The following MIB1 variants were observed in gnomAD, a reference collection of about 807,000 sequenced individuals.
The protein encoded by MIB1 is E3 ubiquitin-protein ligase MIB1.
A neutral mutation model predicts 124.5 loss-of-function variants in MIB1; 278 were observed. The observed-to-expected ratio is 2.23, with a 90% CI of 2.02 to 2.47. The LOEUF (loss-of-function observed/expected upper bound fraction) is 2.47, where lower values mean the gene tolerates loss of function less well. MIB1 is among the 30% of genes most tolerant of loss of function. The pLI is 0.00. For synonymous variants in MIB1, 446 were observed against 429.4 expected (o/e 1.04, Z -0.48); for missense variants, 957 against 1,254.4 (o/e 0.76, Z 3.58).
Position 21,856,271 on chromosome 18 carries a change from CA to C in MIB1, c.2666-849del, listed in dbSNP as rs1361074998. On this transcript the variant is annotated intron_variant, in intron 18 of 20. Coordinates refer to ENST00000261537, the MANE Select transcript of MIB1 (RefSeq NM_020774.4). ...ACAAAAAACAAAAAACAAAACAAAA[CA>C]AAAAAAAAACAATCATAACAACATA... Among the ~76,000 whole-genome samples, 77 of 125,938 alleles carry C rather than the reference CA, an allele frequency of 6.1e-4. 1 individual carries two copies. The highest frequency in any genetic ancestry group is 1.5e-3 in the Admixed American group (18 of 12,402). 82.6% of individuals were successfully genotyped at this position (125,938 alleles called of 152,430 possible).
chr18:21,869,812 T>C lies in MIB1; in HGVS notation c.*5146T>C, dbSNP rs1455832375. 1 of 152,200 alleles carries C rather than the reference T, an allele frequency of 6.6e-6. No homozygotes were observed. 9.4% of individuals were successfully genotyped at this position (152,200 alleles called of 1,614,324 possible). On this transcript the variant is annotated 3_prime_UTR_variant, in exon 21 of 21. Coordinates refer to ENST00000261537, the MANE Select transcript of MIB1 (RefSeq NM_020774.4). ...AATGAGGGGAAAAAAAAAAGACCCT[T>C]TGTTCAAATGGATTCTGTTGTAAAA...
At chr18:21,859,771 C>T (rs979216868) in intron 20 of MIB1, among the ~76,000 whole-genome samples, 1 of 150,566 alleles carries the variant, frequency 6.6e-6, no homozygotes, top group East Asian at 2.0e-4. Flanking sequence ...CACCTGTAGT[C>T]GCAGCTACTC....
At chr18:21,785,756 T>C (rs933234986) in intron 6 of MIB1, among the ~76,000 whole-genome samples, 1 of 152,212 alleles carries the variant, frequency 6.6e-6, no homozygotes, top group African/African-American at 2.4e-5. Context: ...TCCTTTTCTT[T>C]TAGATTGATG....
Position 21,864,674 on chromosome 18 carries a change from A to G in MIB1, c.*8A>G, listed in dbSNP as rs778041164. The stretch of plus-strand genomic sequence containing the variant: ...AGGATTCTTTTGTATTAACTAAGAC[A>G]CATGGTGTATTTTGTTAGCTAATGT... On this transcript the variant is annotated 3_prime_UTR_variant, in exon 21 of 21. Transcript: ENST00000261537. 1.6e-5 allele frequency: 26 copies of G among 1,607,664 alleles called. No individual in the cohort carries two copies. Among genetic ancestry groups the G allele is most frequent in the Non-Finnish European group, 2.0e-5 (24 of 1,175,314 alleles).
At chr18:21,727,512 G>A (rs767613906) in intron 1 of MIB1, among the ~76,000 whole-genome samples, 10 of 152,200 alleles carry the variant, frequency 6.6e-5, no homozygotes, top group Non-Finnish European at 1.2e-4. Context: ...GGAGGCCAAG[G>A]TGGGAGGATT....
chr18:21,741,797 G>A lies in MIB1; in HGVS notation c.214G>A (p.Asp72Asn). The A allele has an allele frequency of 1.9e-6, 3 of 1,602,956 alleles. No individual in the cohort carries two copies. The highest frequency in any genetic ancestry group is 2.6e-6 in the Non-Finnish European group (3 of 1,175,688). The change falls in exon 1 of 21, where the codon GAC (aspartate) becomes AAC (asparagine). Residue 72 changes from aspartate (D) to asparagine (N), a missense_variant. By Grantham distance (23) the Asp-to-Asn change is conservative. Transcript: ENST00000261537. The surrounding 1 kb of genome is among the most constrained non-coding windows in gnomAD (Gnocchi z 5.4). Reference protein sequence around the residue: ...CSGAYDLRILDSAPTGIKHDG... With the variant: ...CSGAYDLRILNSAPTGIKHDG... ...CGGGGCTTACGACCTCCGCATCCTG[G>A]ACAGCGCGCCCACCGGTAAGCCGCG...
intron 1 of MIB1, among the ~76,000 whole-genome samples, chr18:21,710,093 T>C (rs2040658978): frequency 6.6e-6 from 1 of 152,228 alleles, no homozygotes; most frequent in Non-Finnish European, 1.5e-5. Flanking sequence ...AATATGCTTA[T>C]GTTTTTAATT....
intron 12 of MIB1, among the ~76,000 whole-genome samples, chr18:21,833,810 T>G (rs1211772361): frequency 6.6e-6 from 1 of 152,236 alleles, no homozygotes. Context: ...GCACTGCTAT[T>G]AGTTGTTCTG....
chr18:21,841,489 T>G (rs1238917064), intron 13 of MIB1, among the ~76,000 whole-genome samples: 1 of 152,198 alleles, frequency 6.6e-6, no homozygotes, highest in Non-Finnish European at 1.5e-5. Context: ...GCATTATTAG[T>G]GATTAACAAA....
intron 17 of MIB1, among the ~76,000 whole-genome samples, chr18:21,851,546 G>A (rs1427101341): frequency 6.6e-6 from 1 of 152,150 alleles, no homozygotes; most frequent in African/African-American, 2.4e-5. Context: ...AAAGGATAAT[G>A]AATGTCTTCA....
intron 5 of MIB1, 133 bp from the exon 6 acceptor site, chr18:21,779,348 G>C: frequency 1.5e-6 from 1 of 685,776 alleles, no homozygotes; most frequent in Middle Eastern, 2.7e-4. Context: ...TATACTTATA[G>C]GGAATTCTCA....
At chr18:21,758,213 C>G (rs935832471) in intron 1 of MIB1, among the ~76,000 whole-genome samples, 2 of 152,112 alleles carry the variant, frequency 1.3e-5, no homozygotes, top group African/African-American at 4.8e-5. Context: ...AACAACAATC[C>G]TATTTTCATT....
upstream of MIB1, among the ~76,000 whole-genome samples, chr18:21,736,053 G>A (rs1410349366): frequency 8.5e-5 from 13 of 152,330 alleles, no homozygotes; most frequent in South Asian, 2.7e-3. Flanking sequence ...TCCTCAAGTG[G>A]GTCCTTGACC....
intron 7 of MIB1, among the ~76,000 whole-genome samples, chr18:21,797,130 T>G (rs1018050974): frequency 3.3e-5 from 5 of 152,144 alleles, no homozygotes; most frequent in African/African-American, 1.2e-4. Flanking sequence ...TTGGGTGAGT[T>G]GATAATAAAT....
At chr18:21,724,187 T>G (rs1445504956) in intron 1 of MIB1, 1 of 152,708 alleles carries the variant, frequency 6.5e-6, no homozygotes, top group South Asian at 2.1e-4. Context: ...ACAGATTTCT[T>G]TGTTTCTTCT....
At chr18:21,738,869 C>CAAAAAAAAAAAAAAAAAAAAAAAA (rs2040809847), upstream of MIB1, among the ~76,000 whole-genome samples, 2 of 64,744 alleles carry the variant, frequency 3.1e-5, no homozygotes, top group Non-Finnish European at 6.6e-5. Context: ...AAAAAAAAAC[C>CAAAAAAAAAAAAAAAAAAAAAAAA]AACAAAACTA....
Position 21,741,304 on chromosome 18 carries a change from A to C in MIB1, c.-280A>C. 1 of 162,732 alleles carries C rather than the reference A, an allele frequency of 6.1e-6. No individual in the cohort carries two copies. The highest frequency in any genetic ancestry group is 1.3e-5 in the Non-Finnish European group (1 of 75,688). 10.1% of individuals were successfully genotyped at this position (162,732 alleles called of 1,614,324 possible). A position where few individuals can be genotyped will look rare whatever the true frequency, so the allele number is the denominator to read the frequency against. On this transcript the variant is annotated 5_prime_UTR_variant, in exon 1 of 21. Transcript: ENST00000261537. This position sits in a 1 kb window ranked among gnomAD's most constrained non-coding sequence, Gnocchi z 5.4. The stretch of plus-strand genomic sequence containing the variant: ...GGAGGAAGCGGGAGAGTCCCCGCCC[A>C]CGGCCCCCTCCCCTCTGCCCGCTCT...
intron 1 of MIB1, among the ~76,000 whole-genome samples, chr18:21,744,803 A>T (rs1363974795): frequency 1.3e-5 from 2 of 152,112 alleles, no homozygotes. Context: ...TATAGCGTTA[A>T]CTCGGCTAGG....
At chr18:21,858,701 C>T (rs923567150) in intron 20 of MIB1, 55 bp downstream of exon 20, 52 of 862,090 alleles carry the variant, frequency 6.0e-5, no homozygotes, top group African/African-American at 1.7e-4. Context: ...AATATTTTCC[C>T]GTAAAACTAC....
Sources: gnomAD v4.1 joint callset for allele counts (sites outside exome capture counted in the v4.1 genomes callset) on GRCh38, gnomAD v4.1.1 for gene constraint, Gnocchi (gnomAD v3.1) non-coding constraint, MANE v1.5 for transcripts, NCBI Gene and HGNC (gene_info 2026-07-23, HGNC 2026-07-21) for gene names.